The following THEMIS variants were observed in gnomAD, a reference collection of about 807,000 sequenced individuals.
THEMIS encodes protein THEMIS.
A neutral mutation model predicts 52.6 loss-of-function variants in THEMIS; 37 were observed. That is an observed-to-expected ratio of 0.70 (90% CI 0.54 to 0.93). The LOEUF (loss-of-function observed/expected upper bound fraction) is 0.93, where lower values mean the gene tolerates loss of function less well. THEMIS is among the 40% of genes least tolerant of loss of function. The pLI, the probability that THEMIS is intolerant of heterozygous loss-of-function variation, is 0.00. For missense variants in THEMIS, 808 were observed against 763.1 expected (o/e 1.06, Z -0.69); for synonymous variants, 292 against 272.7 (o/e 1.07, Z -0.70).
intron 1 of THEMIS, among the ~76,000 whole-genome samples, chr6:127,890,369 G>T (rs1279695667): frequency 6.6e-6 from 1 of 152,098 alleles, no homozygotes; most frequent in Non-Finnish European, 1.5e-5. Flanking sequence ...TTCATATGTG[G>T]TAGCTAAAAA....
At chr6:127,900,382 A>G (rs937290275) in intron 1 of THEMIS, among the ~76,000 whole-genome samples, 2 of 152,062 alleles carry the variant, frequency 1.3e-5, no homozygotes, top group Non-Finnish European at 2.9e-5. Flanking sequence ...AGTGAGAAAA[A>G]CATTGGTATA....
intron 1 of THEMIS, among the ~76,000 whole-genome samples, chr6:127,889,335 C>T (rs1780736088): frequency 6.6e-6 from 1 of 152,058 alleles, no homozygotes; most frequent in Admixed American, 6.6e-5. Context: ...TAGATGAACA[C>T]CATTTTTTTC....
At chr6:127,758,381 T>A (rs575821767) in intron 4 of THEMIS, among the ~76,000 whole-genome samples, 1 of 148,422 alleles carries the variant, frequency 6.7e-6, no homozygotes, top group South Asian at 2.1e-4. Context: ...CTTGTAATAA[T>A]GAAAAACCCA....
intron 4 of THEMIS, among the ~76,000 whole-genome samples, chr6:127,747,372 T>C (rs1775484452): frequency 2.1e-5 from 3 of 145,266 alleles, no homozygotes. Flanking sequence ...TATAATATTA[T>C]ATTATATATT....
chr6:127,733,667 A>C (rs1347853395), intron 4 of THEMIS, among the ~76,000 whole-genome samples: 1 of 152,238 alleles, frequency 6.6e-6, no homozygotes, highest in East Asian at 1.9e-4. Flanking sequence ...AAAATACATC[A>C]CACTCTCTAT....
At chr6:127,789,978 G>A (rs540292719) in intron 4 of THEMIS, among the ~76,000 whole-genome samples, 5 of 152,316 alleles carry the variant, frequency 3.3e-5, no homozygotes, top group African/African-American at 1.2e-4. Context: ...AGACAAGGAT[G>A]CCCTGTCTCA....
At chr6:127,839,446 G>A (rs1778972865) in intron 2 of THEMIS, among the ~76,000 whole-genome samples, 1 of 151,798 alleles carries the variant, frequency 6.6e-6, no homozygotes, top group Non-Finnish European at 1.5e-5. Context: ...TGTCTCATTT[G>A]ATACTCTGTT....
chr6:127,797,654 T>G (rs1777375004), intron 4 of THEMIS, among the ~76,000 whole-genome samples: 1 of 152,138 alleles, frequency 6.6e-6, no homozygotes. Flanking sequence ...TAACTTGAAG[T>G]GAGGGAGAAG....
intron 4 of THEMIS, among the ~76,000 whole-genome samples, chr6:127,724,245 A>G (rs1774461901): frequency 6.6e-6 from 1 of 152,138 alleles, no homozygotes; most frequent in Non-Finnish European, 1.5e-5. Flanking sequence ...ATCATGCAGA[A>G]CTGTATTCAT....
chr6:127,785,210 A>ATC (rs1776898110), intron 4 of THEMIS, among the ~76,000 whole-genome samples: 3 of 78,016 alleles, frequency 3.8e-5, no homozygotes, highest in Non-Finnish European at 6.0e-5. Flanking sequence ...CTACCTACCT[A>ATC]TTATCTATCT....
At chr6:127,827,110 A>G (rs1778535625) in intron 3 of THEMIS, among the ~76,000 whole-genome samples, 1 of 152,030 alleles carries the variant, frequency 6.6e-6, no homozygotes, top group African/African-American at 2.4e-5. Context: ...TAAGGTTTCT[A>G]GAAAACTTCC....
intron 1 of THEMIS, among the ~76,000 whole-genome samples, chr6:127,857,100 G>A (rs1011914543): frequency 6.6e-6 from 1 of 151,362 alleles, no homozygotes; most frequent in Non-Finnish European, 1.5e-5. Flanking sequence ...CTATGTTGGC[G>A]ATTGGCAATA....
At chr6:127,798,826 TA>T (rs1562264188) in intron 4 of THEMIS, among the ~76,000 whole-genome samples, 1 of 151,162 alleles carries the variant, frequency 6.6e-6, no homozygotes, top group South Asian at 2.1e-4. Flanking sequence ...CTGTCTCTAC[TA>T]AAAAAATACA....
upstream of THEMIS, among the ~76,000 whole-genome samples, chr6:127,902,332 A>T (rs959671443): frequency 8.7e-5 from 13 of 149,684 alleles, no homozygotes; most frequent in East Asian, 3.9e-4. Flanking sequence ...CTCAAAAAAA[A>T]AAAAAAAAAA....
intron 4 of THEMIS, among the ~76,000 whole-genome samples, chr6:127,753,634 T>C (rs1442720651): frequency 6.6e-6 from 1 of 151,988 alleles, no homozygotes. Context: ...CCTGAAAAGC[T>C]AAATCAATCT....
the THEMIS span, among the ~76,000 whole-genome samples, chr6:127,698,854 C>G: frequency 1.3e-5 from 2 of 151,902 alleles, no homozygotes; most frequent in Admixed American, 1.3e-4. Context: ...AAAAATCACA[C>G]CAGATAATTT....
chr6:127,760,626 A>T (rs1775989368), intron 4 of THEMIS, among the ~76,000 whole-genome samples: 1 of 152,072 alleles, frequency 6.6e-6, no homozygotes, highest in African/African-American at 2.4e-5. Context: ...CTCTACAAAA[A>T]ATTAAAAACT....
At chr6:127,723,572 T>A (rs1484119536) in intron 4 of THEMIS, among the ~76,000 whole-genome samples, 3 of 151,964 alleles carry the variant, frequency 2.0e-5, no homozygotes, top group Non-Finnish European at 4.4e-5. Flanking sequence ...TGAGATGAGG[T>A]GTAGAGAGGC....
At chr6:127,755,207 T>A (rs2114356812) in intron 4 of THEMIS, among the ~76,000 whole-genome samples, 1 of 152,350 alleles carries the variant, frequency 6.6e-6, no homozygotes, top group East Asian at 1.9e-4. Flanking sequence ...ATAGATTAGA[T>A]TTGAAGACAA....
Sources: allele counts gnomAD v4.1 joint callset (sites outside exome capture counted in the v4.1 genomes callset), GRCh38; gene constraint gnomAD v4.1.1; transcripts MANE v1.5; gene names NCBI Gene and HGNC (gene_info 2026-07-23, HGNC 2026-07-21).